Variants in IQGAP1 observed in about 807,000 individuals in gnomAD.
IQGAP1 encodes ras GTPase-activating-like protein IQGAP1.
In IQGAP1, 66 loss-of-function variants were observed where a neutral mutation model predicts 215.6. The observed-to-expected ratio is 0.31, with a 90% confidence interval of 0.25 to 0.38. The LOEUF is 0.38. Ranked by LOEUF, IQGAP1 falls within the 10% of genes least tolerant of loss-of-function variation. IQGAP1 has a pLI of 1.00. For missense variants in IQGAP1, 1,712 were observed against 1,997.1 expected (o/e 0.86, Z 2.72); for synonymous variants, 772 against 728.7 (o/e 1.06, Z -0.96).
chr15:90,465,147 T>G (rs1346945304), intron 15 of IQGAP1, among the ~76,000 whole-genome samples: 1 of 152,246 alleles, frequency 6.6e-6, no homozygotes, highest in Non-Finnish European at 1.5e-5. Flanking sequence ...GCAACTGATT[T>G]AACATTCAAG....
chr15:90,437,348 A>G (rs1027353671), intron 5 of IQGAP1, among the ~76,000 whole-genome samples: 1 of 152,206 alleles, frequency 6.6e-6, no homozygotes, highest in Admixed American at 6.5e-5. Context: ...GACCCAAACC[A>G]TATCAGCAAC....
At position 90,473,213 on chromosome 15, in the gene IQGAP1, C is replaced by T; in HGVS notation, c.2349+203C>T. The T allele has an allele frequency of 5.5e-6, 3 of 550,330 alleles. No homozygotes were observed. In the South Asian group the frequency reaches 6.8e-5, roughly 13 times the overall value. The allele number at this position is 550,330 out of a possible 1,614,324, so 34.1% of individuals were successfully genotyped here. On this transcript the variant is annotated intron_variant, in intron 19 of 37. Coordinates refer to ENST00000268182, the MANE Select transcript of IQGAP1 (RefSeq NM_003870.4). ...GTTTAATGCTGGCACAGTGGCAGTT[C>T]TTGGGTACCTCTTCCTCTCTTCTTC...
In IQGAP1 at chr15:90,441,666, G is replaced by C. The variant is rs1965452610; in HGVS notation, c.810G>C (p.Met270Ile). The change falls in exon 8 of 38, where the codon ATG (methionine) becomes ATC (isoleucine). Residue 270 changes from methionine to isoleucine, a missense_variant. Met to Ile is a conservative substitution (Grantham distance 10). Transcript: ENST00000268182. ...DILYQAKQDK[M>I]TNAKNRTENS... is the part of the protein sequence containing the mutation. ...TTTACCAGGCTAAGCAGGACAAAATGACAAATGCTAAAAACAGGGTAAAAA... is the reference window on the plus strand; with the variant it reads ...TTTACCAGGCTAAGCAGGACAAAATCACAAATGCTAAAAACAGGGTAAAAA... 1 of 1,605,354 alleles carries C rather than the reference G, an allele frequency of 6.2e-7. No individual in the cohort carries two copies. The highest frequency in any genetic ancestry group is 1.3e-5 in the African/African-American group (1 of 74,494).
chr15:90,491,848 C>T (rs1431816707), intron 34 of IQGAP1, among the ~76,000 whole-genome samples: 2 of 152,186 alleles, frequency 1.3e-5, no homozygotes, highest in African/African-American at 4.8e-5. Context: ...TATAAATTCA[C>T]ATCAAGCTGA....
intron 28 of IQGAP1, chr15:90,483,068 C>T (rs1392168647): frequency 9.8e-6 from 3 of 305,066 alleles, no homozygotes; most frequent in African/African-American, 6.4e-5. Context: ...TACTTAATAA[C>T]AGACTTTAAG....
chr15:90,473,645 GA>G (rs1346661285), intron 19 of IQGAP1, 69 bp from the exon 20 acceptor site: 4 of 1,149,064 alleles, frequency 3.5e-6, no homozygotes, highest in Non-Finnish European at 5.1e-6. Context: ...GTATCAAGAT[GA>G]AAGTTTTTTT....
At chr15:90,471,339 G>T (rs1349308066) in intron 18 of IQGAP1, among the ~76,000 whole-genome samples, 2 of 151,936 alleles carry the variant, frequency 1.3e-5, no homozygotes, top group African/African-American at 4.8e-5. Context: ...ACAGTTTGGA[G>T]CTTTGACCAT....
chr15:90,430,323 G>C (rs1206039350), intron 4 of IQGAP1, among the ~76,000 whole-genome samples: 1 of 151,972 alleles, frequency 6.6e-6, no homozygotes, highest in Non-Finnish European at 1.5e-5. Flanking sequence ...TCTTTCTTTT[G>C]TTCTCATTTT....
In IQGAP1 at chr15:90,491,406, CAA is replaced by C; in HGVS notation, c.4325_4326del (p.Lys1442IlefsTer74). On this transcript the variant is annotated frameshift_variant, in exon 34 of 38. Transcript: ENST00000268182. LOFTEE classifies it high-confidence loss of function. ...AAAACACCTGACAAGATGAAAAAGTCAAAATCTGTAAAGGAAGACAGCAACCT... is the reference window on the plus strand; with the variant it reads ...AAAACACCTGACAAGATGAAAAAGTCAATCTGTAAAGGAAGACAGCAACCT... 6.2e-7 allele frequency: 1 copy of C among 1,614,042 alleles called. No individual in the cohort carries two copies. The highest frequency in any genetic ancestry group is 2.2e-5 in the East Asian group (1 of 44,870).
chr15:90,428,659 C>T (rs188084230), intron 3 of IQGAP1, among the ~76,000 whole-genome samples: 12 of 152,036 alleles, frequency 7.9e-5, no homozygotes, highest in South Asian at 2.1e-4. Flanking sequence ...GACATGCACT[C>T]GTAGTCCCAG....
chr15:90,483,545 A>C lies in IQGAP1; in HGVS notation c.3740A>C (p.His1247Pro). The C allele has an allele frequency of 6.2e-7, 1 of 1,614,114 alleles. No homozygotes were observed. The highest frequency in any genetic ancestry group is 8.5e-7 in the Non-Finnish European group (1 of 1,180,020). Reference sequence around the variant, plus strand: ...AAGATGTTTCTGGGAGATAATGCCCACTTAAGCATCATTAATGAATATCTT... The same window carrying C: ...AAGATGTTTCTGGGAGATAATGCCCCCTTAAGCATCATTAATGAATATCTT... ...SNKMFLGDNA[H>P]LSIINEYLSQ... The change falls in exon 29 of 38, where the codon CAC becomes CCC. Residue 1247 changes from histidine to proline, a missense_variant. Transcript: ENST00000268182.
At chr15:90,471,516 T>TG (rs1392143430) in intron 18 of IQGAP1, among the ~76,000 whole-genome samples, 1 of 151,854 alleles carries the variant, frequency 6.6e-6, no homozygotes, top group African/African-American at 2.4e-5. Flanking sequence ...TTTTTTTTTT[T>TG]GAAGCGGAGT....
At chr15:90,480,216 A>G (rs1966037814) in intron 26 of IQGAP1, among the ~76,000 whole-genome samples, 1 of 128,302 alleles carries the variant, frequency 7.8e-6, no homozygotes, top group South Asian at 2.3e-4. Flanking sequence ...TAGACCCCAT[A>G]TCTTAAAAAA....
intron 33 of IQGAP1, among the ~76,000 whole-genome samples, chr15:90,490,177 G>A (rs1476703552): frequency 6.6e-6 from 1 of 152,232 alleles, no homozygotes; most frequent in Non-Finnish European, 1.5e-5. Context: ...TATGGCACCA[G>A]AGCCATGGTC....
intron 17 of IQGAP1, among the ~76,000 whole-genome samples, chr15:90,466,681 TTATC>T (rs1419110662): frequency 6.6e-6 from 1 of 151,774 alleles, no homozygotes; most frequent in African/African-American, 2.4e-5. Context: ...ATTTAACTGT[TTATC>T]TTTCACAGAG....
At chr15:90,466,233 CTA>C in intron 16 of IQGAP1, 34 bp from the exon 17 acceptor site, 1 of 1,609,060 alleles carries the variant, frequency 6.2e-7, no homozygotes, top group Middle Eastern at 1.7e-4. Flanking sequence ...TAGACACTCT[CTA>C]AACTATTCTG....
intron 15 of IQGAP1, among the ~76,000 whole-genome samples, chr15:90,461,164 C>T (rs1965756541): frequency 6.6e-6 from 1 of 151,740 alleles, no homozygotes; most frequent in Non-Finnish European, 1.5e-5. Context: ...AAAAATTAGC[C>T]AGGCGTGGTG....
At chr15:90,462,307 C>CT (rs1488570247) in intron 15 of IQGAP1, among the ~76,000 whole-genome samples, 1 of 152,190 alleles carries the variant, frequency 6.6e-6, no homozygotes, top group Non-Finnish European at 1.5e-5. Context: ...CATTGAAATT[C>CT]TTTTATTTTG....
chr15:90,463,357 T>C (rs988701945), intron 15 of IQGAP1, among the ~76,000 whole-genome samples: 2 of 152,240 alleles, frequency 1.3e-5, no homozygotes, highest in Non-Finnish European at 2.9e-5. Flanking sequence ...ATATCTGTTG[T>C]ATGATTATCC....
Sources: allele counts gnomAD v4.1 joint callset (sites outside exome capture counted in the v4.1 genomes callset), GRCh38; gene constraint gnomAD v4.1.1; transcripts MANE v1.5; gene names NCBI Gene and HGNC (gene_info 2026-07-23, HGNC 2026-07-21).